ARID4A: variants seen among roughly 807,000 people sequenced by gnomAD.
The protein encoded by ARID4A is AT-rich interaction domain 4A.
ARID4A carries 39 observed loss-of-function variants against 148.6 expected under a neutral mutation model. The observed-to-expected ratio is 0.26, with a 90% CI of 0.20 to 0.34. The LOEUF (loss-of-function observed/expected upper bound fraction) is 0.34. ARID4A is among the 10% of genes least tolerant of loss of function. The probability of loss-of-function intolerance (pLI) is 1.00; values close to 1 mark genes in which losing one functional copy is unlikely to be tolerated. For synonymous variants in ARID4A, 475 were observed against 481.2 expected, an observed-to-expected ratio of 0.99 and a Z score of 0.17; for missense variants, 1,265 against 1,449.1, an observed-to-expected ratio of 0.87 and a Z score of 2.06.
intron 17 of ARID4A, 78 bp from the exon 18 acceptor site, chr14:58,359,054 C>T (rs1334276378): frequency 2.8e-5 from 39 of 1,406,546 alleles, no homozygotes; most frequent in Admixed American, 2.8e-5. Flanking sequence ...CTGTTGTTTT[C>T]GTTTGGTGAA....
At chr14:58,324,760 C>T (rs1174762335) in intron 8 of ARID4A, among the ~76,000 whole-genome samples, 1 of 151,994 alleles carries the variant, frequency 6.6e-6, no homozygotes, top group East Asian at 1.9e-4. Flanking sequence ...CTTTAACTGC[C>T]CTGTATTTAA....
In ARID4A at chr14:58,343,904, T is replaced by C. The variant is rs148776319; in HGVS notation, c.907-791T>C. ...AGTAATACTCTAAGTTATGATCATT[T>C]ATATGGAGGAAACATATCAGTGTTT... On this transcript the variant is annotated intron_variant, in intron 11 of 23. Transcript: ENST00000355431. Among the ~76,000 whole-genome samples the C allele has an allele frequency of 3.3e-3, 496 of 152,308 alleles. 2 individuals are homozygous for C. Among genetic ancestry groups the C allele is most frequent in the African/African-American group, 0.011 (474 of 41,576 alleles).
chr14:58,359,467 G>A (rs1337236904), intron 18 of ARID4A, among the ~76,000 whole-genome samples: 9 of 152,022 alleles, frequency 5.9e-5, no homozygotes, highest in African/African-American at 1.9e-4. Context: ...AGAGTCCATC[G>A]TTTACATTAG....
At chr14:58,349,567 T>G (rs1016030119) in intron 15 of ARID4A, among the ~76,000 whole-genome samples, 4 of 151,912 alleles carry the variant, frequency 2.6e-5, no homozygotes, top group Non-Finnish European at 5.9e-5. Flanking sequence ...TAAGCCAGGC[T>G]TCTAAAAATG....
chr14:58,306,002 A>C lies in ARID4A; in HGVS notation c.184-20A>C. ...TTATTTGTTTAAATTTGGTAAGGAA[A>C]TTGGGATTTCACATTTTAGGTTGGA... is the stretch of plus-strand genomic sequence containing the variant. On this transcript the variant is annotated intron_variant, in intron 4 of 23. Coordinates refer to ENST00000355431, the MANE Select transcript of ARID4A (RefSeq NM_002892.4). 3.8e-6 allele frequency: 6 copies of C among 1,594,008 alleles called. No individual in the cohort carries two copies. The South Asian group carries it at 6.6e-5, about 18-fold the overall frequency.
In ARID4A at chr14:58,340,468, G is replaced by A. The variant is rs948891352; in HGVS notation, c.907-4227G>A. Among the ~76,000 whole-genome samples the A allele has an allele frequency of 2.0e-5, 3 of 152,190 alleles. No homozygotes were observed. The East Asian group carries it at 5.8e-4, about 29-fold the overall frequency. ...GGGTTCAGGTGATTCTCCTGTCTCA[G>A]CCTCCTGAGTAGCTGGGATTACAGG... is the stretch of plus-strand genomic sequence containing the variant. On this transcript the variant is annotated intron_variant, in intron 11 of 23. Transcript: ENST00000355431.
At position 58,360,985 on chromosome 14, in the gene ARID4A, C is replaced by T. The variant is rs761084650; in HGVS notation, c.2023C>T (p.Leu675Phe). The T allele has an allele frequency of 6.2e-6, 10 of 1,613,942 alleles. No homozygotes were observed. The South Asian group carries it at 9.9e-5, about 16-fold the overall frequency. Reference protein sequence around the residue: ...KRGRPPLKSTLSSNMPYGLSK... With the variant: ...KRGRPPLKSTFSSNMPYGLSK... ...GGGACGACCTCCTTTAAAATCAACC[C>T]TCTCATCAAACATGCCGTATGGCTT... The change falls in exon 19 of 24, where the codon CTC (leucine) becomes TTC (phenylalanine). Residue 675 changes from leucine to phenylalanine, a missense_variant. Transcript: ENST00000355431.
At chr14:58,320,975 G>GT (rs1302940993) in intron 7 of ARID4A, among the ~76,000 whole-genome samples, 1 of 152,116 alleles carries the variant, frequency 6.6e-6, no homozygotes, top group Non-Finnish European at 1.5e-5. Flanking sequence ...ATGTTGGATT[G>GT]TTTTCTCATT....
intron 22 of ARID4A, among the ~76,000 whole-genome samples, chr14:58,366,495 GC>G (rs2035365790): frequency 1.3e-5 from 2 of 152,034 alleles, no homozygotes; most frequent in Admixed American, 6.6e-5. Context: ...AAATTGAAGT[GC>G]CCTTTGTAGC....
At chr14:58,312,307 C>A (rs987500201) in intron 5 of ARID4A, among the ~76,000 whole-genome samples, 1 of 151,446 alleles carries the variant, frequency 6.6e-6, no homozygotes, top group Non-Finnish European at 1.5e-5. Flanking sequence ...AGCTCCACCT[C>A]CCAGGTTCAA....
chr14:58,335,017 A>G (rs2033738255), intron 11 of ARID4A, among the ~76,000 whole-genome samples: 2 of 151,994 alleles, frequency 1.3e-5, no homozygotes. Context: ...CTCTTAACTC[A>G]CTGTAGTGTG....
At chr14:58,343,258 A>G (rs947315546) in intron 11 of ARID4A, among the ~76,000 whole-genome samples, 7 of 152,238 alleles carry the variant, frequency 4.6e-5, no homozygotes, top group Non-Finnish European at 1.5e-5. Context: ...GTTAGAACTT[A>G]TATTTAAATT....
At chr14:58,347,981 A>G in intron 15 of ARID4A, 103 bp downstream of exon 15, 1 of 754,992 alleles carries the variant, frequency 1.3e-6, no homozygotes. Context: ...AACCTAGTTT[A>G]TTTTCCAGTA....
At chr14:58,359,360 C>T (rs1793343949) in intron 18 of ARID4A, 144 bp downstream of exon 18, 1 of 675,618 alleles carries the variant, frequency 1.5e-6, no homozygotes, top group Admixed American at 3.7e-5. Flanking sequence ...ACTCTCTGCC[C>T]CATGCATGCA....
At chr14:58,314,963 A>G (rs2032308269) in intron 5 of ARID4A, among the ~76,000 whole-genome samples, 1 of 152,108 alleles carries the variant, frequency 6.6e-6, no homozygotes, top group African/African-American at 2.4e-5. Flanking sequence ...TACTAAAAAT[A>G]CAGAAGTTAG....
intron 18 of ARID4A, among the ~76,000 whole-genome samples, chr14:58,360,084 C>A (rs2035071078): frequency 6.8e-6 from 1 of 146,834 alleles, no homozygotes; most frequent in South Asian, 2.1e-4. Flanking sequence ...AAAAAAAAAT[C>A]TTGATTCTTG....
In ARID4A at chr14:58,372,549, GA is replaced by G; in HGVS notation, c.*563del. Reference sequence around the variant, plus strand: ...GTGTAAATGGGACAAAATAAATTGTGAAAGGAAGTGTAGTTGACTGAAAACT... The same window carrying G: ...GTGTAAATGGGACAAAATAAATTGTGAAGGAAGTGTAGTTGACTGAAAACT... On this transcript the variant is annotated 3_prime_UTR_variant, in exon 24 of 24. Transcript: ENST00000355431. The G allele has an allele frequency of 4.7e-6, 1 of 211,900 alleles. No individual in the cohort carries two copies. Among genetic ancestry groups the G allele is most frequent in the East Asian group, 7.1e-5 (1 of 14,022 alleles). The allele number at this position is 211,900 out of a possible 1,614,324, so 13.1% of individuals were successfully genotyped here.
At chr14:58,351,944 C>G (rs1302243026) in intron 16 of ARID4A, among the ~76,000 whole-genome samples, 1 of 152,034 alleles carries the variant, frequency 6.6e-6, no homozygotes, top group Non-Finnish European at 1.5e-5. Context: ...TAAAAATAGT[C>G]AAATATTAGG....
At chr14:58,328,985 CTG>C (rs2033370070) in intron 9 of ARID4A, among the ~76,000 whole-genome samples, 2 of 87,614 alleles carry the variant, frequency 2.3e-5, no homozygotes, top group Non-Finnish European at 4.6e-5. Flanking sequence ...GAGTGAGACT[CTG>C]TCTCAAAAAA....
Sources: gnomAD v4.1 joint callset for allele counts (sites outside exome capture counted in the v4.1 genomes callset) on GRCh38, gnomAD v4.1.1 for gene constraint, MANE v1.5 for transcripts, NCBI Gene and HGNC (gene_info 2026-07-23, HGNC 2026-07-21) for gene names.